The following MSRA variants were observed in gnomAD, a reference collection of about 807,000 sequenced individuals.
MSRA encodes methionine sulfoxide reductase A, also known as mitochondrial peptide methionine sulfoxide reductase.
Under a neutral mutation model 31.3 loss-of-function variants are expected in MSRA, and 54 were observed. The ratio of observed to expected loss-of-function variants is 1.73; its 90% confidence interval spans 1.39 to 2.17. MSRA has a LOEUF of 2.17. Ranked by LOEUF, MSRA falls within the 30% of genes most tolerant of loss-of-function variation. MSRA has a pLI of 0.00. For synonymous variants in MSRA, 169 were observed against 116.5 expected (o/e 1.45, Z -2.90); for missense variants, 507 against 300.9 (o/e 1.69, Z -5.07).
chr8:10,248,704 A>G (rs919384410), intron 3 of MSRA, among the ~76,000 whole-genome samples: 2 of 152,258 alleles, frequency 1.3e-5, no homozygotes, highest in African/African-American at 4.8e-5. Context: ...CTAGGCATAT[A>G]GAAAAGATAA....
At chr8:10,195,925 A>G (rs1475279134) in intron 1 of MSRA, among the ~76,000 whole-genome samples, 2 of 152,254 alleles carry the variant, frequency 1.3e-5, no homozygotes, top group African/African-American at 4.8e-5. Flanking sequence ...CCTGCTTTGT[A>G]AAGCTGACAG....
chr8:10,350,031 G>C (rs921720082), intron 5 of MSRA, among the ~76,000 whole-genome samples: 1 of 152,226 alleles, frequency 6.6e-6, no homozygotes, highest in Non-Finnish European at 1.5e-5. Context: ...AGAAATGATG[G>C]ACTCTTCTGA....
intron 5 of MSRA, among the ~76,000 whole-genome samples, chr8:10,330,572 A>G (rs1802637702): frequency 6.6e-6 from 1 of 152,222 alleles, no homozygotes; most frequent in African/African-American, 2.4e-5. Context: ...GCTTTAAACA[A>G]AGCTATCTGA....
intron 5 of MSRA, among the ~76,000 whole-genome samples, chr8:10,407,075 CTGTGTT>C (rs143411745): frequency 0.035 from 5,285 of 152,250 alleles, 190 homozygotes; most frequent in African/African-American, 0.094. Flanking sequence ...GTGAGGTTCA[CTGTGTT>C]ACCCAGGCTG....
intron 5 of MSRA, among the ~76,000 whole-genome samples, chr8:10,325,982 A>G (rs1802341620): frequency 6.6e-6 from 1 of 152,222 alleles, no homozygotes; most frequent in African/African-American, 2.4e-5. Flanking sequence ...GATTTCTAAA[A>G]GTGGGGAAAT....
At chr8:10,278,006 A>C (rs1207379053) in intron 3 of MSRA, among the ~76,000 whole-genome samples, 1 of 152,054 alleles carries the variant, frequency 6.6e-6, no homozygotes, top group Non-Finnish European at 1.5e-5. Flanking sequence ...ACCTCTTTCC[A>C]TTTTTTCCCT....
chr8:10,419,262 C>A (rs1044003948), intron 5 of MSRA, among the ~76,000 whole-genome samples: 1 of 152,154 alleles, frequency 6.6e-6, no homozygotes, highest in Non-Finnish European at 1.5e-5. Flanking sequence ...TCCCACAGCC[C>A]CAAATTCCGG....
intron 1 of MSRA, among the ~76,000 whole-genome samples, chr8:10,180,700 A>G (rs1244538677): frequency 1.3e-5 from 2 of 152,134 alleles, no homozygotes; most frequent in Non-Finnish European, 2.9e-5. Context: ...GCAAATACAT[A>G]TTCCTTTTTG....
intron 5 of MSRA, among the ~76,000 whole-genome samples, chr8:10,376,114 G>T (rs375573013): frequency 6.6e-6 from 1 of 152,104 alleles, no homozygotes; most frequent in Non-Finnish European, 1.5e-5. Flanking sequence ...CTGGGTGGCC[G>T]ACTCACATTT....
intron 1 of MSRA, among the ~76,000 whole-genome samples, chr8:10,200,253 G>A (rs1030207612): frequency 3.9e-5 from 6 of 152,196 alleles, no homozygotes; most frequent in African/African-American, 1.4e-4. Flanking sequence ...ATAAAATCCT[G>A]AATGACACCT....
At chr8:10,395,719 C>T (rs1159236984) in intron 5 of MSRA, among the ~76,000 whole-genome samples, 1 of 152,184 alleles carries the variant, frequency 6.6e-6, no homozygotes, top group African/African-American at 2.4e-5. Flanking sequence ...ATCCTAGCTA[C>T]AGAAAGTACC....
chr8:10,283,816 TATATATATATATATATATATACACAC>T (rs1228761931), intron 3 of MSRA, among the ~76,000 whole-genome samples: 1 of 46,006 alleles, frequency 2.2e-5, no homozygotes, highest in Non-Finnish European at 5.3e-5. Flanking sequence ...TATATATATA[TATATATATATATATATATATACACAC>T]ACACACACAC....
chr8:10,338,593 C>G (rs1803211641), intron 5 of MSRA, among the ~76,000 whole-genome samples: 1 of 152,108 alleles, frequency 6.6e-6, no homozygotes, highest in Non-Finnish European at 1.5e-5. Context: ...ACATCATGCA[C>G]TCCATAAAGA....
intron 1 of MSRA, among the ~76,000 whole-genome samples, chr8:10,164,143 C>G (rs76136162): frequency 0.022 from 3,357 of 152,294 alleles, 126 homozygotes; most frequent in African/African-American, 0.076. Flanking sequence ...TTGCAGAATA[C>G]TACTTTTAAC....
chr8:10,148,225 C>T (rs1034764464), intron 1 of MSRA, among the ~76,000 whole-genome samples: 1 of 151,994 alleles, frequency 6.6e-6, no homozygotes, highest in Non-Finnish European at 1.5e-5. Flanking sequence ...CTAATGTGAT[C>T]CATTCAGAAG....
At chr8:10,252,483 G>T (rs1797968242) in intron 3 of MSRA, among the ~76,000 whole-genome samples, 1 of 152,166 alleles carries the variant, frequency 6.6e-6, no homozygotes, top group South Asian at 2.1e-4. Context: ...GATGCTTTAA[G>T]TCCTGTCTGC....
chr8:10,411,743 T>G (rs1808172098), intron 5 of MSRA, among the ~76,000 whole-genome samples: 1 of 152,268 alleles, frequency 6.6e-6, no homozygotes, highest in South Asian at 2.1e-4. Context: ...TAAGTCTCAT[T>G]TTTTAAACAT....
chr8:10,126,897 A>C (rs145042373), intron 1 of MSRA, among the ~76,000 whole-genome samples: 1 of 152,226 alleles, frequency 6.6e-6, no homozygotes, highest in African/African-American at 2.4e-5. Flanking sequence ...TGAGAATGCA[A>C]TGCTGCTACT....
chr8:10,187,662 T>C (rs539037677), intron 1 of MSRA, among the ~76,000 whole-genome samples: 2 of 152,358 alleles, frequency 1.3e-5, no homozygotes, highest in South Asian at 4.1e-4. Flanking sequence ...CATAGTGTTT[T>C]GATTACACTA....
Sources: allele counts gnomAD v4.1 joint callset (sites outside exome capture counted in the v4.1 genomes callset), GRCh38; gene constraint gnomAD v4.1.1; transcripts MANE v1.5; gene names NCBI Gene and HGNC (gene_info 2026-07-23, HGNC 2026-07-21).